The following SLFN12L variants were observed in gnomAD, a reference collection of about 807,000 sequenced individuals.
The protein encoded by SLFN12L is schlafen family member 12 like.
Under a neutral mutation model 34.8 loss-of-function variants are expected in SLFN12L, and 34 were observed. The observed-to-expected ratio is 0.98, with a 90% CI of 0.74 to 1.30. The LOEUF (loss-of-function observed/expected upper bound fraction) is 1.30, where lower values mean the gene tolerates loss of function less well. SLFN12L is among the 50% of genes most tolerant of loss of function. SLFN12L has a pLI of 0.00. For missense variants in SLFN12L, 703 were observed against 696.2 expected (o/e 1.01, Z -0.11); for synonymous variants, 259 against 247.5 (o/e 1.05, Z -0.44).
At position 35,467,525 on chromosome 17, in the gene SLFN12L, T is replaced by G. The variant is rs1913734306; in HGVS notation, c.*7398A>C. 6.6e-6 allele frequency among the ~76,000 whole-genome samples: 1 copy of G among 152,158 alleles called. No homozygotes were observed. The highest frequency in any genetic ancestry group is 2.4e-5 in the African/African-American group (1 of 41,442). ...GAAACAAACAGGCATTCAATAAAAC[T>G]TTCATGACCCTAATAGGTCCCAAAT... On this transcript the variant is annotated 3_prime_UTR_variant, in exon 5 of 5. Coordinates refer to ENST00000628453, the MANE Select transcript of SLFN12L (RefSeq NM_001363830.2).
Position 35,475,279 on chromosome 17 carries a change from G to A in SLFN12L, c.1483C>T (p.Pro495Ser), listed in dbSNP as rs772380975. Residue 495 changes from proline to serine, a missense_variant, in exon 5 of 5, where the codon CCT becomes TCT. Transcript: ENST00000628453. The stretch of plus-strand genomic sequence containing the variant: ...ATGTGGAAGGTGTATAGGACTGGAG[G>A]CTTGTCCTGGGAAATCAGAAGAGCA... ...CDALLISQDK[P>S]PVLYTFHMVQ... 5 of 1,614,032 alleles carry A rather than the reference G, an allele frequency of 3.1e-6. No individual in the cohort carries two copies. Among genetic ancestry groups the A allele is most frequent in the Admixed American group, 1.7e-5 (1 of 60,004 alleles).
intron 2 of SLFN12L, among the ~76,000 whole-genome samples, chr17:35,502,961 T>C (rs1196740180): frequency 2.7e-5 from 4 of 150,900 alleles, no homozygotes; most frequent in African/African-American, 7.4e-5. Flanking sequence ...TGTTGAAGAA[T>C]TGTCTGTGAA....
chr17:35,480,833 C>T (rs1914304003), intron 2 of SLFN12L, among the ~76,000 whole-genome samples: 1 of 152,044 alleles, frequency 6.6e-6, no homozygotes, highest in Non-Finnish European at 1.5e-5. Flanking sequence ...GGTGGCAAGC[C>T]ACCCAGGTGC....
At chr17:35,509,415 T>G (rs1177703712) in intron 2 of SLFN12L, among the ~76,000 whole-genome samples, 1 of 152,198 alleles carries the variant, frequency 6.6e-6, no homozygotes, top group African/African-American at 2.4e-5. Context: ...AAACTTTTTT[T>G]AAACTAAAGA....
intron 1 of SLFN12L, among the ~76,000 whole-genome samples, chr17:35,526,154 C>A (rs1004250886): frequency 6.6e-6 from 1 of 152,102 alleles, no homozygotes; most frequent in Non-Finnish European, 1.5e-5. Flanking sequence ...ACAAAAAGAG[C>A]TAACTATCCT....
intron 2 of SLFN12L, chr17:35,498,892 CT>C: frequency 1.4e-6 from 1 of 695,282 alleles, no homozygotes; most frequent in Non-Finnish European, 2.6e-6. Flanking sequence ...TTGGAGGCCC[CT>C]GATATGCCCA....
Position 35,464,829 on chromosome 17 carries a change from C to T in SLFN12L, c.*10094G>A, listed in dbSNP as rs1276163394. Among the ~76,000 whole-genome samples, 1 of 152,046 alleles carries T rather than the reference C, an allele frequency of 6.6e-6. No homozygotes were observed. Among genetic ancestry groups the T allele is most frequent in the African/African-American group, 2.4e-5 (1 of 41,402 alleles). On this transcript the variant is annotated 3_prime_UTR_variant, in exon 5 of 5. Transcript: ENST00000628453. The stretch of plus-strand genomic sequence containing the variant: ...AAGAATTTATATAACAAAAAGATAG[C>T]TAAGGTCGTGATTGGGTTTAGAACT...
chr17:35,519,367 A>T (rs974464239), intron 2 of SLFN12L, among the ~76,000 whole-genome samples: 4 of 152,236 alleles, frequency 2.6e-5, no homozygotes, highest in African/African-American at 9.6e-5. Context: ...AAAATAAATA[A>T]AAAAGAAAGA....
At chr17:35,526,904 T>C (rs542537503) in intron 1 of SLFN12L, among the ~76,000 whole-genome samples, 2 of 151,712 alleles carry the variant, frequency 1.3e-5, no homozygotes, top group East Asian at 1.9e-4. Flanking sequence ...CCTTCAAAAA[T>C]TCAATGAATC....
At chr17:35,476,894 T>C (rs8064988) in intron 4 of SLFN12L, among the ~76,000 whole-genome samples, 6,672 of 151,342 alleles carry the variant, frequency 0.044, 349 homozygotes, top group East Asian at 0.14. Flanking sequence ...AGGATAAAAA[T>C]CAGAACAAAT....
At chr17:35,532,441 CAAAAAA>C (rs11323761) in intron 1 of SLFN12L, among the ~76,000 whole-genome samples, 1 of 118,934 alleles carries the variant, frequency 8.4e-6, no homozygotes, top group African/African-American at 3.3e-5. Context: ...GACTCCATCT[CAAAAAA>C]AAAAAAAAAG....
At chr17:35,494,723 C>T (rs972868536) in intron 2 of SLFN12L, among the ~76,000 whole-genome samples, 1 of 152,018 alleles carries the variant, frequency 6.6e-6, no homozygotes, top group African/African-American at 2.4e-5. Context: ...CAAGCTGGAG[C>T]AGGGGAGGGA....
At chr17:35,492,232 C>G (rs1914864421) in intron 2 of SLFN12L, among the ~76,000 whole-genome samples, 1 of 152,178 alleles carries the variant, frequency 6.6e-6, no homozygotes. Flanking sequence ...GGAGCTTTGT[C>G]CCACCATGCT....
rs1228120859 is a variant in SLFN12L at position 35,472,810 on chromosome 17, G to A, written c.*2113C>T. Reference sequence around the variant, plus strand: ...ATGGAATGTTTTTCCATTTGTTTGTGTCTTCTCTTGTTTCCTTGAGCAGTG... The same window carrying A: ...ATGGAATGTTTTTCCATTTGTTTGTATCTTCTCTTGTTTCCTTGAGCAGTG... On this transcript the variant is annotated 3_prime_UTR_variant, in exon 5 of 5. Coordinates refer to ENST00000628453, the MANE Select transcript of SLFN12L (RefSeq NM_001363830.2). Among the ~76,000 whole-genome samples, 2 of 152,112 alleles carry A rather than the reference G, an allele frequency of 1.3e-5. No homozygotes were observed. Among genetic ancestry groups the A allele is most frequent in the East Asian group, 3.8e-4 (2 of 5,196 alleles).
Position 35,475,921 on chromosome 17 carries a change from A to ATT in SLFN12L, c.1277-437_1277-436insAA, listed in dbSNP as rs200771462. ...TCTCAAAAAAATTCTACATATATAT[A>ATT]TATTTTTTTAAATTTATATATATGT... On this transcript the variant is annotated intron_variant, in intron 4 of 4. Transcript: ENST00000628453. Among the ~76,000 whole-genome samples the ATT allele has an allele frequency of 2.1e-3, 309 of 146,224 alleles. 6 individuals carry two copies. In the East Asian group the frequency reaches 0.052, roughly 25 times the overall value.
rs1047480727 is a variant in SLFN12L, at chr17:35,475,400, A to C, written c.1362T>G (p.Cys454Trp). 6.2e-7 allele frequency: 1 copy of C among 1,614,060 alleles called. No individual in the cohort carries two copies. The highest frequency in any genetic ancestry group is 1.3e-5 in the African/African-American group (1 of 74,908). Residue 454 changes from cysteine (C) to tryptophan (W), a missense_variant, in exon 5 of 5, where the codon TGT (cysteine) becomes TGG (tryptophan). Transcript: ENST00000628453. ...SQHEGLKQLI[C>W]EEMGSVNKGS... ...CCTTATTGACAGAGCCCATTTCTTC[A>C]CATATTAATTGCTTAAGTCCTTCAT...
intron 2 of SLFN12L, among the ~76,000 whole-genome samples, chr17:35,508,442 G>A (rs763768120): frequency 4.6e-5 from 7 of 152,142 alleles, no homozygotes; most frequent in Non-Finnish European, 7.3e-5. Context: ...CGCCTCCCAG[G>A]TTCATGCCAT....
At chr17:35,490,352 CG>C in intron 2 of SLFN12L, 1 of 1,344,224 alleles carries the variant, frequency 7.4e-7, no homozygotes, top group Non-Finnish European at 1.1e-6. Flanking sequence ...AGAAAAAACA[CG>C]GTACGATAGT....
chr17:35,529,674 TCA>T (rs2072371783), intron 1 of SLFN12L, among the ~76,000 whole-genome samples: 1 of 134,184 alleles, frequency 7.5e-6, no homozygotes, highest in Non-Finnish European at 1.6e-5. Flanking sequence ...AAGGGGAACA[TCA>T]CACACTGGGG....
Sources: gnomAD v4.1 joint callset for allele counts (sites outside exome capture counted in the v4.1 genomes callset) on GRCh38, gnomAD v4.1.1 for gene constraint, MANE v1.5 for transcripts, NCBI Gene and HGNC (gene_info 2026-07-23, HGNC 2026-07-21) for gene names.